The following ADGRV1 variants were observed in gnomAD, a reference collection of about 807,000 sequenced individuals.
The protein encoded by ADGRV1 is adhesion G protein-coupled receptor V1, also known as G-protein coupled receptor 98.
In ADGRV1, 359 loss-of-function variants were observed where a neutral mutation model predicts 596.2. That is an observed-to-expected ratio of 0.60 (90% CI 0.55 to 0.66). The LOEUF (loss-of-function observed/expected upper bound fraction) is 0.66. ADGRV1 is among the 30% of genes least tolerant of loss of function. The pLI is 0.00. For missense variants in ADGRV1, 7,274 were observed against 7,575.6 expected (o/e 0.96, Z 1.48); for synonymous variants, 2,681 against 2,679.2 (o/e 1.00, Z -0.02).
At chr5:90,584,962 G>A (rs1451625181) in intron 1 of ADGRV1, among the ~76,000 whole-genome samples, 3 of 152,104 alleles carry the variant, frequency 2.0e-5, no homozygotes, top group Non-Finnish European at 4.4e-5. Flanking sequence ...TAACAAGCAA[G>A]GTAGCTATTA....
chr5:90,675,529 T>A, intron 24 of ADGRV1, 84 bp downstream of exon 24: 1 of 1,265,708 alleles, frequency 7.9e-7, no homozygotes. Context: ...ACACTGTACC[T>A]GGAACATAGT....
chr5:91,050,563 A>T (rs6880626), intron 85 of ADGRV1, among the ~76,000 whole-genome samples: 35,713 of 151,928 alleles, frequency 0.24, 4,518 homozygotes, highest in Non-Finnish European at 0.28. Flanking sequence ...TTTGTTTTTT[A>T]AAAAAGTCTT....
chr5:90,949,835 A>G (rs186247311), intron 83 of ADGRV1, among the ~76,000 whole-genome samples: 21 of 151,762 alleles, frequency 1.4e-4, no homozygotes, highest in Admixed American at 1.2e-3. Flanking sequence ...CAACCCTCTT[A>G]TTTTAAAATG....
chr5:91,114,513 C>T (rs1347044743), intron 87 of ADGRV1, among the ~76,000 whole-genome samples: 1 of 151,922 alleles, frequency 6.6e-6, no homozygotes, highest in East Asian at 1.9e-4. Context: ...GGCAACAGAG[C>T]AACTCTGTCA....
At chr5:91,139,415 G>A (rs1794917313) in intron 87 of ADGRV1, among the ~76,000 whole-genome samples, 1 of 152,170 alleles carries the variant, frequency 6.6e-6, no homozygotes, top group Admixed American at 6.5e-5. Flanking sequence ...CAAAAATCGG[G>A]TATCTCTAGA....
chr5:91,058,115 ACTTACG>A (rs1383702610), intron 85 of ADGRV1, among the ~76,000 whole-genome samples: 13 of 152,162 alleles, frequency 8.5e-5, no homozygotes, highest in African/African-American at 3.1e-4. Context: ...ATGGAGTCTG[ACTTACG>A]CTGAGAAGCC....
At chr5:91,034,983 G>C (rs78397363) in intron 85 of ADGRV1, among the ~76,000 whole-genome samples, 1 of 151,994 alleles carries the variant, frequency 6.6e-6, no homozygotes, top group Non-Finnish European at 1.5e-5. Flanking sequence ...TTTTGACCAG[G>C]CTATTCTCCA....
intron 60 of ADGRV1, among the ~76,000 whole-genome samples, chr5:90,774,834 T>C (rs1325340081): frequency 6.6e-6 from 1 of 152,218 alleles, no homozygotes; most frequent in Non-Finnish European, 1.5e-5. Context: ...TAATAGTGGT[T>C]TTTGATTACC....
chr5:91,033,461 G>GT (rs1362467539), intron 85 of ADGRV1, among the ~76,000 whole-genome samples: 7 of 152,134 alleles, frequency 4.6e-5, no homozygotes, highest in African/African-American at 1.7e-4. Flanking sequence ...ATGGGACAAG[G>GT]TTTGCAGTTC....
intron 83 of ADGRV1, among the ~76,000 whole-genome samples, chr5:90,902,407 A>C (rs1157199127): frequency 6.6e-6 from 1 of 152,166 alleles, no homozygotes; most frequent in East Asian, 1.9e-4. Context: ...TAGTTTGTTC[A>C]GTTGGAAGGA....
chr5:90,884,929 C>T (rs1770135496), intron 83 of ADGRV1, among the ~76,000 whole-genome samples: 1 of 152,152 alleles, frequency 6.6e-6, no homozygotes, highest in African/African-American at 2.4e-5. Context: ...ATCCTACTCT[C>T]ATTCCTGTAC....
intron 14 of ADGRV1, 115 bp from the exon 15 acceptor site, chr5:90,644,591 C>T: frequency 1.3e-6 from 1 of 753,786 alleles, no homozygotes; most frequent in Non-Finnish European, 2.2e-6. Context: ...AAATAGTTGG[C>T]AGTTATTAAA....
chr5:90,863,966 A>C (rs987132316), intron 83 of ADGRV1, 109 bp downstream of exon 83: 1 of 723,138 alleles, frequency 1.4e-6, no homozygotes, highest in African/African-American at 1.8e-5. Flanking sequence ...TAGTTGAAAT[A>C]AACTTGTTTA....
At chr5:90,837,531 C>T (rs1040708374) in intron 77 of ADGRV1, among the ~76,000 whole-genome samples, 20 of 152,010 alleles carry the variant, frequency 1.3e-4, no homozygotes, top group East Asian at 1.9e-4. Context: ...CCATCATGAC[C>T]GGCTAGTTTT....
At chr5:90,817,244 C>A (rs1348901369) in intron 75 of ADGRV1, among the ~76,000 whole-genome samples, 11 of 150,502 alleles carry the variant, frequency 7.3e-5, no homozygotes, top group Non-Finnish European at 1.3e-4. Flanking sequence ...CCTTCACCCA[C>A]TTTTTGATGG....
chr5:90,767,595 A>C (rs1465080914), intron 59 of ADGRV1, among the ~76,000 whole-genome samples: 2 of 152,198 alleles, frequency 1.3e-5, no homozygotes, highest in Non-Finnish European at 2.9e-5. Context: ...ATGGAGAATA[A>C]ACATTAAAAA....
chr5:90,735,875 A>G (rs1753160986), intron 50 of ADGRV1, among the ~76,000 whole-genome samples: 1 of 152,090 alleles, frequency 6.6e-6, no homozygotes. Flanking sequence ...GTTTGTTTTA[A>G]TGCAAACTTT....
chr5:90,680,357 A>C (rs947577227), intron 26 of ADGRV1, among the ~76,000 whole-genome samples: 1 of 151,794 alleles, frequency 6.6e-6, no homozygotes, highest in East Asian at 1.9e-4. Flanking sequence ...TCTGTATCAA[A>C]GAAAAAAAAA....
At chr5:90,639,877 T>C (rs1384333622) in intron 11 of ADGRV1, among the ~76,000 whole-genome samples, 1 of 152,166 alleles carries the variant, frequency 6.6e-6, no homozygotes, top group Non-Finnish European at 1.5e-5. Context: ...ATAAATCACA[T>C]CACAATATTG....
Sources: gnomAD v4.1 joint callset for allele counts (sites outside exome capture counted in the v4.1 genomes callset) on GRCh38, gnomAD v4.1.1 for gene constraint, MANE v1.5 for transcripts, NCBI Gene and HGNC (gene_info 2026-07-23, HGNC 2026-07-21) for gene names.